PDE4B: variants seen among roughly 807,000 people sequenced by gnomAD.
The protein encoded by PDE4B is phosphodiesterase 4B.
In PDE4B, 20 loss-of-function variants were observed where a neutral mutation model predicts 82.2. That is an observed-to-expected ratio of 0.24 (90% confidence interval 0.17 to 0.35). The LOEUF (loss-of-function observed/expected upper bound fraction) is 0.35. PDE4B is among the 10% of genes least tolerant of loss of function. The pLI is 1.00. For synonymous variants in PDE4B, 320 were observed against 318.9 expected, an observed-to-expected ratio of 1.00 and a Z score of -0.04; for missense variants, 655 against 907.2, an observed-to-expected ratio of 0.72 and a Z score of 3.57.
At chr1:65,835,336 A>T (rs1257857832) in intron 1 of PDE4B, among the ~76,000 whole-genome samples, 1 of 152,158 alleles carries the variant, frequency 6.6e-6, no homozygotes, top group Non-Finnish European at 1.5e-5. Flanking sequence ...GCCATTCACA[A>T]GTTTCTGAAG....
chr1:66,040,499 T>G (rs1279161900), intron 3 of PDE4B, among the ~76,000 whole-genome samples: 1 of 152,008 alleles, frequency 6.6e-6, no homozygotes, highest in African/African-American at 2.4e-5. Context: ...ACACTTCTCT[T>G]TTATAAGCTA....
At position 66,114,770 on chromosome 1, in the gene PDE4B, G is replaced by A. The variant is rs1330263849; in HGVS notation, c.282-132690G>A. On this transcript the variant is annotated intron_variant, in intron 3 of 16. Coordinates refer to ENST00000341517, the MANE Select transcript of PDE4B (RefSeq NM_002600.4). Reference sequence around the variant, plus strand: ...CCTGCCTCAGCCTCCCGGGTAGCTGGGACTACAGGCACACATCACCACACC... The same window carrying A: ...CCTGCCTCAGCCTCCCGGGTAGCTGAGACTACAGGCACACATCACCACACC... Among the ~76,000 whole-genome samples the A allele has an allele frequency of 7.9e-5, 12 of 151,910 alleles. No individual in the cohort carries two copies. In the South Asian group the frequency reaches 2.5e-3, roughly 32 times the overall value.
intron 3 of PDE4B, among the ~76,000 whole-genome samples, chr1:65,942,492 T>C (rs1648499142): frequency 6.6e-6 from 1 of 152,024 alleles, no homozygotes; most frequent in Non-Finnish European, 1.5e-5. Context: ...GCTATTAACA[T>C]GGTAGTGCAG....
chr1:65,985,054 T>C (rs1417072374), intron 3 of PDE4B, among the ~76,000 whole-genome samples: 4 of 152,146 alleles, frequency 2.6e-5, no homozygotes, highest in Non-Finnish European at 5.9e-5. Flanking sequence ...AAAATTCTAA[T>C]ATGAACAGAT....
In PDE4B at chr1:66,358,417, G is replaced by C. The variant is rs1662443808; in HGVS notation, c.841+2797G>C. Among the ~76,000 whole-genome samples, 3 of 152,306 alleles carry C rather than the reference G, an allele frequency of 2.0e-5. No individual in the cohort carries two copies. The East Asian group carries it at 5.8e-4, about 29-fold the overall frequency. On this transcript the variant is annotated intron_variant, in intron 9 of 16. Transcript: ENST00000341517. The stretch of plus-strand genomic sequence containing the variant: ...AGGCCGGGCGTGGCAGCTCATGCCT[G>C]TAATCCCAGCACGTTCAGAGGCCGA...
intron 1 of PDE4B, 66 bp from the exon 2 acceptor site, chr1:65,913,179 G>A: frequency 1.5e-6 from 1 of 645,640 alleles, no homozygotes; most frequent in East Asian, 2.7e-5. Flanking sequence ...AATTTAGAGA[G>A]TATGCCACAT....
intron 3 of PDE4B, among the ~76,000 whole-genome samples, chr1:65,940,536 G>A (rs1273270100): frequency 6.6e-6 from 1 of 152,104 alleles, no homozygotes; most frequent in Non-Finnish European, 1.5e-5. Flanking sequence ...TTGCAGGAAG[G>A]TAATTTGAAA....
intron 3 of PDE4B, among the ~76,000 whole-genome samples, chr1:66,233,794 C>T (rs1231348317): frequency 6.6e-6 from 1 of 152,010 alleles, no homozygotes; most frequent in African/African-American, 2.4e-5. Flanking sequence ...GTTTGTTTTT[C>T]AGTCTGTTAG....
chr1:65,845,619 C>T (rs1014272064), intron 1 of PDE4B, among the ~76,000 whole-genome samples: 2 of 152,154 alleles, frequency 1.3e-5, no homozygotes, highest in African/African-American at 4.8e-5. Context: ...AAGCAGAGCT[C>T]TTGGTATAGC....
intron 8 of PDE4B, among the ~76,000 whole-genome samples, chr1:66,348,124 G>T (rs577822271): frequency 3.9e-5 from 6 of 152,152 alleles, no homozygotes; most frequent in African/African-American, 1.2e-4. Flanking sequence ...TTCTAGCTGC[G>T]AAATGTTTCA....
intron 4 of PDE4B, among the ~76,000 whole-genome samples, chr1:66,255,287 C>T (rs1209176056): frequency 6.6e-6 from 1 of 152,032 alleles, no homozygotes; most frequent in African/African-American, 2.4e-5. Flanking sequence ...AGGGTTCCTC[C>T]ATGTTGATCA....
At chr1:66,341,941 G>A (rs1331701335) in intron 8 of PDE4B, among the ~76,000 whole-genome samples, 1 of 152,186 alleles carries the variant, frequency 6.6e-6, no homozygotes, top group Non-Finnish European at 1.5e-5. Context: ...AGTGGAGTTA[G>A]GTACAATGGT....
At chr1:66,107,958 C>T (rs1031541552) in intron 3 of PDE4B, among the ~76,000 whole-genome samples, 4 of 151,896 alleles carry the variant, frequency 2.6e-5, no homozygotes, top group Non-Finnish European at 5.9e-5. Flanking sequence ...AAAAGATACA[C>T]ATTTATTTTT....
chr1:65,865,338 G>A (rs1571035972), intron 1 of PDE4B, among the ~76,000 whole-genome samples: 1 of 144,468 alleles, frequency 6.9e-6, no homozygotes, highest in Non-Finnish European at 1.5e-5. Context: ...GACCCGCTGA[G>A]TGAGACCACT....
chr1:66,268,771 A>G (rs753392316), intron 7 of PDE4B, among the ~76,000 whole-genome samples: 2 of 151,770 alleles, frequency 1.3e-5, no homozygotes, highest in Non-Finnish European at 2.9e-5. Flanking sequence ...ATCAGCTCTC[A>G]TGGCTCAATG....
At chr1:66,359,622 TA>T (rs559534542) in intron 9 of PDE4B, among the ~76,000 whole-genome samples, 21 of 152,298 alleles carry the variant, frequency 1.4e-4, no homozygotes, top group Admixed American at 7.9e-4. Flanking sequence ...AATCTTTAAT[TA>T]AACAAAGGGA....
chr1:66,168,172 AT>A (rs1646772726), intron 3 of PDE4B, among the ~76,000 whole-genome samples: 1 of 152,146 alleles, frequency 6.6e-6, no homozygotes, highest in East Asian at 1.9e-4. Flanking sequence ...AAATTAATTC[AT>A]TTTTCAACAA....
chr1:66,089,753 G>A (rs1644975060), intron 3 of PDE4B, among the ~76,000 whole-genome samples: 1 of 152,026 alleles, frequency 6.6e-6, no homozygotes, highest in Non-Finnish European at 1.5e-5. Context: ...TCAAACAGCT[G>A]ATTGTTCTGT....
intron 3 of PDE4B, among the ~76,000 whole-genome samples, chr1:66,060,028 T>C (rs771116314): frequency 3.9e-5 from 6 of 152,204 alleles, no homozygotes; most frequent in Admixed American, 2.0e-4. Context: ...AGTCATTCTG[T>C]GAAAATTAAA....
Sources: gnomAD v4.1 joint callset for allele counts (sites outside exome capture counted in the v4.1 genomes callset) on GRCh38, gnomAD v4.1.1 for gene constraint, MANE v1.5 for transcripts, NCBI Gene and HGNC (gene_info 2026-07-23, HGNC 2026-07-21) for gene names.